DGKG: variants seen among roughly 807,000 people sequenced by gnomAD.
DGKG encodes the protein DAG kinase gamma.
In DGKG, 78 loss-of-function variants were observed where a neutral mutation model predicts 105.3. That is an observed-to-expected ratio of 0.74 (90% CI 0.62 to 0.89). DGKG has a LOEUF of 0.89. Ranked by LOEUF, DGKG falls within the 40% of genes least tolerant of loss-of-function variation. The pLI is 0.00. For missense variants in DGKG, 958 were observed against 1,020.1 expected (o/e 0.94, Z 0.83); for synonymous variants, 346 against 367.1 (o/e 0.94, Z 0.66).
chr3:186,309,096 G>A (rs1487047580), intron 2 of DGKG, among the ~76,000 whole-genome samples: 1 of 152,182 alleles, frequency 6.6e-6, no homozygotes, highest in Non-Finnish European at 1.5e-5. Flanking sequence ...AATTAAGGGT[G>A]ACACAATGAT....
At chr3:186,350,947 T>G (rs901042230) in intron 1 of DGKG, among the ~76,000 whole-genome samples, 3 of 152,220 alleles carry the variant, frequency 2.0e-5, no homozygotes, top group Non-Finnish European at 4.4e-5. Context: ...TGGGTTTTTT[T>G]GTTGCTGTTG....
chr3:186,175,492 G>C (rs1399653300), intron 22 of DGKG, among the ~76,000 whole-genome samples: 1 of 152,200 alleles, frequency 6.6e-6, no homozygotes, highest in African/African-American at 2.4e-5. Flanking sequence ...CTGTGCATGA[G>C]GGTCAGGTGC....
At chr3:186,159,204 T>G (rs1405100261) in intron 24 of DGKG, 1 of 151,752 alleles carries the variant, frequency 6.6e-6, no homozygotes, top group Non-Finnish European at 1.5e-5. Context: ...GTTGGCTTAT[T>G]TTTTGCTTTC....
chr3:186,207,314 G>A (rs917709583), intron 21 of DGKG: 2 of 240,258 alleles, frequency 8.3e-6, no homozygotes, highest in Non-Finnish European at 1.3e-5. Context: ...GCTCTAGACT[G>A]AGCTTCTCAA....
At chr3:186,190,216 G>A (rs1717839171) in intron 21 of DGKG, among the ~76,000 whole-genome samples, 1 of 152,100 alleles carries the variant, frequency 6.6e-6, no homozygotes, top group South Asian at 2.1e-4. Flanking sequence ...CTACTACCAG[G>A]TTGTGCCACC....
At chr3:186,262,769 T>G (rs1048751416) in intron 14 of DGKG, among the ~76,000 whole-genome samples, 7 of 152,200 alleles carry the variant, frequency 4.6e-5, no homozygotes, top group African/African-American at 1.7e-4. Context: ...CCCATGGGTC[T>G]GCTCGTGCTT....
At position 186,149,907 on chromosome 3, in the gene DGKG, T is replaced by G; in HGVS notation, c.*183A>C. On this transcript the variant is annotated 3_prime_UTR_variant, in exon 25 of 25. Coordinates refer to ENST00000265022, the MANE Select transcript of DGKG (RefSeq NM_001346.3). ...GCTCTGTTAGGGGTGTACCCACTGT[T>G]GAAACAGAATGTATGGCAAGGTGAC... 1 of 1,413,432 alleles carries G rather than the reference T, an allele frequency of 7.1e-7. No homozygotes were observed. The allele number at this position is 1,413,432 out of a possible 1,614,324, so 87.6% of individuals were successfully genotyped here.
intron 19 of DGKG, among the ~76,000 whole-genome samples, chr3:186,248,434 C>G (rs565762118): frequency 2.0e-4 from 30 of 152,356 alleles, no homozygotes; most frequent in Admixed American, 2.0e-3. Flanking sequence ...TTCCGGCTTC[C>G]ATGCCAGCGA....
chr3:186,186,070 C>T (rs1717617055), intron 22 of DGKG, among the ~76,000 whole-genome samples: 1 of 122,786 alleles, frequency 8.1e-6, no homozygotes, highest in South Asian at 2.5e-4. Flanking sequence ...GCACTCTAGC[C>T]TGGGTGACAG....
intron 21 of DGKG, among the ~76,000 whole-genome samples, chr3:186,205,501 G>C (rs755544615): frequency 2.0e-5 from 3 of 152,092 alleles, no homozygotes; most frequent in South Asian, 4.1e-4. Context: ...CCTGAGGTTA[G>C]GAGTTCAATA....
intron 1 of DGKG, among the ~76,000 whole-genome samples, chr3:186,340,301 T>A (rs1726027506): frequency 6.6e-6 from 1 of 152,140 alleles, no homozygotes; most frequent in Non-Finnish European, 1.5e-5. Flanking sequence ...TATGGAAACA[T>A]CTGCTTGCAG....
intron 22 of DGKG, 93 bp from the exon 23 acceptor site, chr3:186,165,111 T>C: frequency 7.2e-7 from 1 of 1,387,934 alleles, no homozygotes; most frequent in East Asian, 2.4e-5. Context: ...ATGGCCAATG[T>C]CTGTATCCCT....
At chr3:186,187,660 T>C (rs1009427093) in intron 22 of DGKG, among the ~76,000 whole-genome samples, 4 of 152,014 alleles carry the variant, frequency 2.6e-5, no homozygotes, top group Admixed American at 1.3e-4. Context: ...TATGACTGGA[T>C]GGGGTGATCA....
At chr3:186,153,979 C>T (rs1044498376) in intron 24 of DGKG, among the ~76,000 whole-genome samples, 1 of 152,144 alleles carries the variant, frequency 6.6e-6, no homozygotes, top group African/African-American at 2.4e-5. Context: ...GAGGCGCGCC[C>T]TTAGCTACTT....
intron 5 of DGKG, among the ~76,000 whole-genome samples, chr3:186,297,035 AG>A (rs1683252922): frequency 6.9e-6 from 1 of 145,244 alleles, no homozygotes; most frequent in African/African-American, 2.6e-5. Flanking sequence ...TTACAGCCAC[AG>A]CCACCTCTCT....
At chr3:186,264,599 C>T (rs1247395192) in intron 14 of DGKG, among the ~76,000 whole-genome samples, 2 of 152,184 alleles carry the variant, frequency 1.3e-5, no homozygotes, top group East Asian at 1.9e-4. Flanking sequence ...TGTATATTCT[C>T]ATTTAATCTT....
At chr3:186,354,106 G>A (rs58133663) in intron 1 of DGKG, among the ~76,000 whole-genome samples, 1 of 152,086 alleles carries the variant, frequency 6.6e-6, no homozygotes, top group African/African-American at 2.4e-5. Context: ...TGGGGAGTTT[G>A]GGGGGCTAGA....
intron 22 of DGKG, among the ~76,000 whole-genome samples, chr3:186,182,075 C>G (rs1441177559): frequency 6.6e-6 from 1 of 152,222 alleles, no homozygotes; most frequent in Non-Finnish European, 1.5e-5. Flanking sequence ...CCTCAGGATC[C>G]AAGACTGGGC....
intron 11 of DGKG, 138 bp downstream of exon 11, chr3:186,272,117 A>C (rs537125765): frequency 1.5e-6 from 1 of 657,346 alleles, no homozygotes; most frequent in African/African-American, 1.8e-5. Flanking sequence ...GATGAACGGG[A>C]TGGTTTACAG....
Sources: gnomAD v4.1 joint callset for allele counts (sites outside exome capture counted in the v4.1 genomes callset) on GRCh38, gnomAD v4.1.1 for gene constraint, MANE v1.5 for transcripts, NCBI Gene and HGNC (gene_info 2026-07-23, HGNC 2026-07-21) for gene names.